The following HAO2 variants were observed in gnomAD, a reference collection of about 807,000 sequenced individuals.
The protein encoded by HAO2 is hydroxyacid oxidase 2.
Under a neutral mutation model 37.4 loss-of-function variants are expected in HAO2, and 42 were observed. The observed-to-expected ratio is 1.12, with a 90% CI of 0.88 to 1.45. The LOEUF (loss-of-function observed/expected upper bound fraction) is 1.45, where lower values mean the gene tolerates loss of function less well. HAO2 is among the 40% of genes most tolerant of loss of function. The pLI, the probability that HAO2 is intolerant of heterozygous loss-of-function variation, is 0.00. For missense variants in HAO2, 476 were observed against 430.2 expected, an observed-to-expected ratio of 1.11 and a Z score of -0.94; for synonymous variants, 180 against 162.8, an observed-to-expected ratio of 1.11 and a Z score of -0.81.
chr1:119,384,631 C>A, intron 3 of HAO2, 145 bp from the exon 4 acceptor site: 1 of 665,940 alleles, frequency 1.5e-6, no homozygotes, highest in South Asian at 2.0e-5. Context: ...GCCTTCCATC[C>A]CTTTCTTACA....
chr1:119,381,973 T>C (rs1379418057), intron 2 of HAO2, among the ~76,000 whole-genome samples: 1 of 152,198 alleles, frequency 6.6e-6, no homozygotes, highest in Non-Finnish European at 1.5e-5. Context: ...AAAGATTACA[T>C]GGCCCACAAA....
At position 119,392,626 on chromosome 1, in the gene HAO2, T is replaced by C. The variant is rs764679884; in HGVS notation, c.939T>C (p.His313=). 3 of 1,605,818 alleles carry C rather than the reference T, an allele frequency of 1.9e-6. No individual in the cohort carries two copies. Among genetic ancestry groups the C allele is most frequent in the Non-Finnish European group, 2.6e-6 (3 of 1,172,694 alleles). Residue 313 remains histidine, a synonymous_variant, in exon 7 of 8, where the codon CAT becomes CAC. Coordinates refer to ENST00000325945, the MANE Select transcript of HAO2 (RefSeq NM_016527.4). ...GTCTGCCTCGGGAGCAGGGTGAACA[T>C]GGTGTTAAGGAAGTTTTGAACATTT... The part of the protein sequence containing the change: ...ILWGLACKGE[H]GVKEVLNILT...
intron 1 of HAO2, 93 bp from the exon 2 acceptor site, chr1:119,380,985 A>G: frequency 8.9e-7 from 1 of 1,120,510 alleles, no homozygotes. Flanking sequence ...GTTGAATCCA[A>G]ACAATTTCAT....
chr1:119,369,499 A>G lies in HAO2; in HGVS notation c.-9+597A>G, dbSNP rs114922952. Among the ~76,000 whole-genome samples, 837 of 152,350 alleles carry G rather than the reference A, an allele frequency of 5.5e-3. 6 individuals carry two copies. The highest frequency in any genetic ancestry group is 0.019 in the African/African-American group (783 of 41,586). On this transcript the variant is annotated intron_variant, in intron 1 of 7. Coordinates refer to ENST00000325945, the MANE Select transcript of HAO2 (RefSeq NM_016527.4). ...AATGAAGACAGGGAGGTACTGGTAT[A>G]AAGATAGATAACAGATCAATGGAAC...
intron 1 of HAO2, chr1:119,380,364 T>A: frequency 3.4e-6 from 1 of 295,760 alleles, no homozygotes; most frequent in Non-Finnish European, 6.2e-6. Flanking sequence ...GTTTCTCAGG[T>A]ACCCAAATTA....
chr1:119,388,050 C>G (rs184058477), intron 5 of HAO2, among the ~76,000 whole-genome samples: 3 of 152,254 alleles, frequency 2.0e-5, no homozygotes, highest in Admixed American at 6.5e-5. Flanking sequence ...AGAGCTGAAC[C>G]GAAGTGGTTG....
chr1:119,386,555 C>T, intron 4 of HAO2, 67 bp from the exon 5 acceptor site: 1 of 967,246 alleles, frequency 1.0e-6, no homozygotes, highest in Non-Finnish European at 1.7e-6. Context: ...AAATGTGTCT[C>T]ATCTTTGGAA....
chr1:119,386,851 A>G lies in HAO2; in HGVS notation c.771+20A>G, dbSNP rs1321064847. The G allele has an allele frequency of 6.7e-7, 1 of 1,501,998 alleles. No homozygotes were observed. The highest frequency in any genetic ancestry group is 9.3e-7 in the Non-Finnish European group (1 of 1,077,844). The allele number at this position is 1,501,998 out of a possible 1,614,324, so 93.0% of individuals were successfully genotyped here. On this transcript the variant is annotated intron_variant, in intron 5 of 7. Coordinates refer to ENST00000325945, the MANE Select transcript of HAO2 (RefSeq NM_016527.4). ...GCTTCAGTAAGTAGGATTACTTCAGAGAAGGGTGTGTTTGTGAGTGCTGTG... is the reference window on the plus strand; with the variant it reads ...GCTTCAGTAAGTAGGATTACTTCAGGGAAGGGTGTGTTTGTGAGTGCTGTG...
chr1:119,370,726 C>T (rs145786000), intron 1 of HAO2, among the ~76,000 whole-genome samples: 80 of 152,242 alleles, frequency 5.3e-4, no homozygotes, highest in African/African-American at 1.9e-3. Context: ...CACAGTTGAT[C>T]GGTGGAAAGC....
Position 119,385,678 on chromosome 1 carries a change from CT to C in HAO2, c.561+626del, listed in dbSNP as rs1650324514. Reference sequence around the variant, plus strand: ...CCTACAATTAAATGGCAAGAAGTGCCTCAGAGAGAGACAGCCATGATAAAGT... The same window carrying C: ...CCTACAATTAAATGGCAAGAAGTGCCCAGAGAGAGACAGCCATGATAAAGT... On this transcript the variant is annotated intron_variant, in intron 4 of 7. Coordinates refer to ENST00000325945, the MANE Select transcript of HAO2 (RefSeq NM_016527.4). 1.1e-5 allele frequency: 11 copies of C among 985,316 alleles called. No homozygotes were observed. The South Asian group carries it at 4.7e-4, about 42-fold the overall frequency. The allele number at this position is 985,316 out of a possible 1,614,324, so 61.0% of individuals were successfully genotyped here.
intron 1 of HAO2, among the ~76,000 whole-genome samples, chr1:119,379,580 G>A (rs1048616050): frequency 1.3e-5 from 2 of 152,142 alleles, no homozygotes; most frequent in East Asian, 1.9e-4. Context: ...GTAAGAATGA[G>A]CTAAATTAGA....
chr1:119,380,106 C>T (rs946523640), intron 1 of HAO2, among the ~76,000 whole-genome samples: 1 of 152,164 alleles, frequency 6.6e-6, no homozygotes, highest in African/African-American at 2.4e-5. Flanking sequence ...AGCTTAGAAA[C>T]TTCAGGTTTC....
intron 1 of HAO2, among the ~76,000 whole-genome samples, chr1:119,380,081 CT>C (rs1649793477): frequency 6.6e-6 from 1 of 152,160 alleles, no homozygotes; most frequent in Non-Finnish European, 1.5e-5. Flanking sequence ...TGCCAACTGC[CT>C]GGGAGTTGGC....
intron 5 of HAO2, among the ~76,000 whole-genome samples, chr1:119,390,409 G>A (rs1052729925): frequency 2.6e-5 from 4 of 152,054 alleles, no homozygotes; most frequent in Non-Finnish European, 4.4e-5. Context: ...TGGCCACCAC[G>A]CCTGGTTATT....
At position 119,369,881 on chromosome 1, in the gene HAO2, TC is replaced by T. The variant is rs142240262; in HGVS notation, c.-9+987del. Among the ~76,000 whole-genome samples, 517 of 151,358 alleles carry T rather than the reference TC, an allele frequency of 3.4e-3. 2 individuals are homozygous for T. Among genetic ancestry groups the T allele is most frequent in the African/African-American group, 0.012 (482 of 41,256 alleles). ...AGAGCAGAAACTGATGTGATAAAGG[TC>T]CCCCCCCATATCTCTAGTGTTTAGC... On this transcript the variant is annotated intron_variant, in intron 1 of 7. Coordinates refer to ENST00000325945, the MANE Select transcript of HAO2 (RefSeq NM_016527.4).
intron 5 of HAO2, among the ~76,000 whole-genome samples, chr1:119,387,624 G>T (rs967524551): frequency 2.0e-5 from 3 of 151,988 alleles, no homozygotes; most frequent in African/African-American, 7.3e-5. Flanking sequence ...ACAATTTTTG[G>T]TGTTTAAGAA....
At chr1:119,390,590 C>T (rs1373850006) in intron 5 of HAO2, among the ~76,000 whole-genome samples, 1 of 152,148 alleles carries the variant, frequency 6.6e-6, no homozygotes, top group African/African-American at 2.4e-5. Context: ...TACATTTGTA[C>T]AAACTCTTCT....
intron 4 of HAO2, chr1:119,385,863 A>G (rs587608877): frequency 1.0e-6 from 1 of 984,748 alleles, no homozygotes; most frequent in Non-Finnish European, 1.2e-6. Context: ...ATTGAGATTT[A>G]TAAATGTTTG....
intron 3 of HAO2, 71 bp from the exon 4 acceptor site, chr1:119,384,705 G>C: frequency 7.8e-7 from 1 of 1,276,522 alleles, no homozygotes; most frequent in Non-Finnish European, 1.1e-6. Context: ...AGGCTACACA[G>C]ACTCCCAAGG....
Sources: gnomAD v4.1 joint callset for allele counts (sites outside exome capture counted in the v4.1 genomes callset) on GRCh38, gnomAD v4.1.1 for gene constraint, MANE v1.5 for transcripts, NCBI Gene and HGNC (gene_info 2026-07-23, HGNC 2026-07-21) for gene names.